CDH23: variants seen among roughly 807,000 people sequenced by gnomAD.
CDH23 encodes cadherin related 23.
A neutral mutation model predicts 317.1 loss-of-function variants in CDH23; 189 were observed. The ratio of observed to expected loss-of-function variants is 0.60; its 90% confidence interval spans 0.53 to 0.67. The LOEUF (loss-of-function observed/expected upper bound fraction) is 0.67. CDH23 is among the 30% of genes least tolerant of loss of function. CDH23 has a pLI of 0.00. For missense variants in CDH23, 4,401 were observed against 4,592.4 expected (o/e 0.96, Z 1.20); for synonymous variants, 1,839 against 1,876.8 (o/e 0.98, Z 0.52).
intron 38 of CDH23, among the ~76,000 whole-genome samples, chr10:71,773,740 C>T (rs564971574): frequency 6.6e-6 from 1 of 152,188 alleles, no homozygotes; most frequent in African/African-American, 2.4e-5. Flanking sequence ...CTACCGTCCC[C>T]CAGTCCTTTT....
chr10:71,748,539 T>A (rs1306084095), intron 38 of CDH23: 2 of 152,270 alleles, frequency 1.3e-5, no homozygotes, highest in African/African-American at 4.8e-5. Context: ...TCTATTAAAC[T>A]GTGAATGTCA....
chr10:71,798,641 A>G, intron 50 of CDH23, 63 bp downstream of exon 50: 3 of 1,310,376 alleles, frequency 2.3e-6, no homozygotes, highest in South Asian at 1.4e-5. Flanking sequence ...TTAGTCCCCA[A>G]GAGAGACCAC....
At chr10:71,799,735 T>A in intron 52 of CDH23, 106 bp downstream of exon 52, 1 of 1,466,256 alleles carries the variant, frequency 6.8e-7, no homozygotes, top group Non-Finnish European at 9.4e-7. Context: ...TCTTGTCGCC[T>A]GGACATCTGC....
chr10:71,587,537 C>T (rs1859164215), intron 9 of CDH23, among the ~76,000 whole-genome samples: 1 of 152,208 alleles, frequency 6.6e-6, no homozygotes, highest in East Asian at 1.9e-4. Context: ...CTGTGTTAAA[C>T]ATCAGGAAGA....
chr10:71,536,708 C>G (rs540708957), intron 6 of CDH23, among the ~76,000 whole-genome samples: 2 of 152,032 alleles, frequency 1.3e-5, no homozygotes, highest in South Asian at 4.1e-4. Flanking sequence ...CAGACCCAAA[C>G]GGGTCAGTAG....
intron 6 of CDH23, among the ~76,000 whole-genome samples, chr10:71,514,083 C>G (rs547200832): frequency 9.2e-5 from 14 of 152,152 alleles, no homozygotes; most frequent in African/African-American, 2.9e-4. Flanking sequence ...CCCTGCCTTG[C>G]TGAGAATGTG....
chr10:71,682,051 G>C (rs554434669), intron 17 of CDH23, among the ~76,000 whole-genome samples: 43 of 152,248 alleles, frequency 2.8e-4, no homozygotes, highest in Non-Finnish European at 5.3e-4. Flanking sequence ...GAGTGAGACA[G>C]ACAGACAGAC....
At chr10:71,712,597 CAA>C in intron 27 of CDH23, 66 bp from the exon 28 acceptor site, 1 of 1,578,874 alleles carries the variant, frequency 6.3e-7, no homozygotes, top group Non-Finnish European at 8.6e-7. Context: ...CGGGAGTGTG[CAA>C]AGTCACAGGA....
rs751275817 is a variant in CDH23 at position 71,550,578 on chromosome 10, GA to G, written c.430-16158del. The stretch of plus-strand genomic sequence containing the variant: ...CTGTCTCAAAAAAAAAAAAAAAAAA[GA>G]AAAAAGAAAAAGAAAGAAAGAAAGA... On this transcript the variant is annotated intron_variant, in intron 6 of 69. Coordinates refer to ENST00000224721, the MANE Select transcript of CDH23 (RefSeq NM_022124.6). Among the ~76,000 whole-genome samples, 254 of 126,064 alleles carry G rather than the reference GA, an allele frequency of 2.0e-3. 11 individuals carry two copies. The highest frequency in any genetic ancestry group is 7.4e-3 in the East Asian group (33 of 4,480). The allele number at this position is 126,064 out of a possible 152,430, so 82.7% of individuals were successfully genotyped here.
At position 71,810,580 on chromosome 10, in the gene CDH23, G is replaced by A; in HGVS notation, c.9077+11G>A. 1.9e-6 allele frequency: 3 copies of A among 1,613,064 alleles called. No homozygotes were observed. The highest frequency in any genetic ancestry group is 2.5e-6 in the Non-Finnish European group (3 of 1,179,136). The stretch of plus-strand genomic sequence containing the variant: ...CCTGGACGTGGACCGGTGAGTCGGG[G>A]CCTGTGTTTGGACTGTCAGCCTGTC... On this transcript the variant is annotated intron_variant, in intron 62 of 69. Coordinates refer to ENST00000224721, the MANE Select transcript of CDH23 (RefSeq NM_022124.6).
At chr10:71,400,795 T>C (rs1003929119) in intron 1 of CDH23, among the ~76,000 whole-genome samples, 3 of 152,124 alleles carry the variant, frequency 2.0e-5, no homozygotes, top group African/African-American at 7.2e-5. Context: ...TGAGACTCCA[T>C]CTCAAAATCA....
intron 9 of CDH23, among the ~76,000 whole-genome samples, chr10:71,603,201 C>G (rs766740093): frequency 1.3e-5 from 2 of 152,112 alleles, no homozygotes; most frequent in African/African-American, 4.8e-5. Context: ...AGCGCGTGCC[C>G]CCTCCTCCTG....
intron 1 of CDH23, among the ~76,000 whole-genome samples, chr10:71,425,595 GAGCAC>G (rs968623060): frequency 6.6e-6 from 1 of 152,172 alleles, no homozygotes; most frequent in Non-Finnish European, 1.5e-5. Flanking sequence ...GTGTGGGTAG[GAGCAC>G]AGCTGGGAGT....
intron 1 of CDH23, among the ~76,000 whole-genome samples, chr10:71,416,031 T>C (rs138047791): frequency 1.0e-3 from 152 of 152,338 alleles, no homozygotes; most frequent in African/African-American, 3.5e-3. Context: ...ATTCAGATAT[T>C]GGTGTCCTTA....
At chr10:71,527,238 A>G (rs758259135) in intron 6 of CDH23, among the ~76,000 whole-genome samples, 1 of 152,268 alleles carries the variant, frequency 6.6e-6, no homozygotes. Context: ...GCACGCGTGC[A>G]CACACCTCAG....
At chr10:71,736,667 CT>C (rs1839574656) in intron 34 of CDH23, among the ~76,000 whole-genome samples, 1 of 152,214 alleles carries the variant, frequency 6.6e-6, no homozygotes. Context: ...CCCCTCACCC[CT>C]GCCTTGCAGC....
intron 35 of CDH23, among the ~76,000 whole-genome samples, chr10:71,738,956 C>T (rs780815173): frequency 3.9e-5 from 6 of 152,240 alleles, no homozygotes. Context: ...AGGACATGCT[C>T]GTCCTCTCTC....
At position 71,677,668 on chromosome 10, in the gene CDH23, C is replaced by T. The variant is rs1864431821; in HGVS notation, c.1727C>T (p.Ser576Phe). The T allele has an allele frequency of 1.3e-6, 2 of 1,570,092 alleles. No homozygotes were observed. The highest frequency in any genetic ancestry group is 1.4e-5 in the African/African-American group (1 of 73,848). Residue 576 changes from serine to phenylalanine, a missense_variant, in exon 16 of 70, where the codon TCT becomes TTT. By Grantham distance (155) the Ser-to-Phe change is radical. Transcript: ENST00000224721. The part of the protein sequence containing the change: ...YVGALRENEP[S>F]VTQLVRLRAT... The stretch of plus-strand genomic sequence containing the variant: ...GGTGCTCTGCGGGAGAACGAGCCTT[C>T]TGTCACACAGCTGGTGCGGCTCCGG...
chr10:71,510,732 C>T (rs185705115), intron 4 of CDH23, among the ~76,000 whole-genome samples: 5 of 152,252 alleles, frequency 3.3e-5, no homozygotes, highest in African/African-American at 1.2e-4. Flanking sequence ...CCAAGATGCT[C>T]GGCTTCTGTC....
Sources: allele counts gnomAD v4.1 joint callset (sites outside exome capture counted in the v4.1 genomes callset), GRCh38; gene constraint gnomAD v4.1.1; transcripts MANE v1.5; gene names NCBI Gene and HGNC (gene_info 2026-07-23, HGNC 2026-07-21).